DYNC1LI1: variants seen among roughly 807,000 people sequenced by gnomAD.
The protein encoded by DYNC1LI1 is dynein cytoplasmic 1 light intermediate chain 1.
DYNC1LI1 carries 19 observed loss-of-function variants against 63.8 expected under a neutral mutation model. The ratio of observed to expected loss-of-function variants is 0.30; its 90% confidence interval spans 0.21 to 0.44. The LOEUF (loss-of-function observed/expected upper bound fraction) is 0.44. DYNC1LI1 is among the 20% of genes least tolerant of loss of function. DYNC1LI1 has a pLI of 1.00. For missense variants in DYNC1LI1, 565 were observed against 630.2 expected (o/e 0.90, Z 1.11); for synonymous variants, 225 against 232.3 (o/e 0.97, Z 0.28).
At position 32,566,756 on chromosome 3, in the gene DYNC1LI1, CAAACAAAA is replaced by C. The variant is rs1454926148; in HGVS notation, c.220+3582_220+3589del. 8 of 427,254 alleles carry C rather than the reference CAAACAAAA, an allele frequency of 1.9e-5. No homozygotes were observed. The East Asian group carries it at 5.3e-4, about 28-fold the overall frequency. The allele number at this position is 427,254 out of a possible 1,614,324, so 26.5% of individuals were successfully genotyped here. On this transcript the variant is annotated intron_variant, in intron 2 of 12. Transcript: ENST00000273130. ...TCCATCTCAAAAACAAACAAACAAA[CAAACAAAA>C]AAACAAATATAATCAATTGTATTAA...
At chr3:32,541,318 AG>A in intron 4 of DYNC1LI1, 112 bp from the exon 5 acceptor site, 1 of 687,358 alleles carries the variant, frequency 1.5e-6, no homozygotes, top group Non-Finnish European at 2.4e-6. Context: ...CTTGTGTAAG[AG>A]AAGAAACAAA....
intron 4 of DYNC1LI1, among the ~76,000 whole-genome samples, chr3:32,544,272 G>A (rs1266528989): frequency 3.3e-5 from 5 of 151,982 alleles, no homozygotes; most frequent in Non-Finnish European, 7.4e-5. Flanking sequence ...GTAAGATTAC[G>A]AATTAAAAAA....
In DYNC1LI1 at chr3:32,545,870, C is replaced by A. The variant is rs1365988222; in HGVS notation, c.316G>T (p.Val106Leu). The A allele has an allele frequency of 6.2e-7, 1 of 1,609,308 alleles. No homozygotes were observed. The highest frequency in any genetic ancestry group is 8.5e-7 in the Non-Finnish European group (1 of 1,176,032). Residue 106 changes from valine (V) to leucine (L), a missense_variant, in exon 3 of 13, where the codon GTG becomes TTG. By Grantham distance (32) the Val-to-Leu change is conservative. Transcript: ENST00000273130. ...GRGLEYLYLN[V>L]HDEDRDDQTR... ...TCACCATCCCTGTCTTCATCATGCA[C>A]ATTTAAGTACAAATATTCCAATCCT... is the stretch of plus-strand genomic sequence containing the variant.
chr3:32,567,649 C>T (rs1418298260), intron 2 of DYNC1LI1, among the ~76,000 whole-genome samples: 3 of 151,680 alleles, frequency 2.0e-5, no homozygotes, highest in Admixed American at 2.0e-4. Flanking sequence ...AGTTGTCCCT[C>T]CACCTTAGCC....
At chr3:32,539,502 G>A (rs1424701479) in intron 5 of DYNC1LI1, among the ~76,000 whole-genome samples, 8 of 151,764 alleles carry the variant, frequency 5.3e-5, no homozygotes, top group Non-Finnish European at 1.0e-4. Context: ...ACACACTTAG[G>A]ACCAAGTGGG....
chr3:32,561,024 A>C (rs1283902177), intron 2 of DYNC1LI1, among the ~76,000 whole-genome samples: 6 of 140,536 alleles, frequency 4.3e-5, no homozygotes, highest in South Asian at 2.2e-4. Flanking sequence ...AAAAAAAAAA[A>C]AAAAAAAAAC....
At chr3:32,564,891 A>G (rs1698238577) in intron 2 of DYNC1LI1, among the ~76,000 whole-genome samples, 1 of 152,170 alleles carries the variant, frequency 6.6e-6, no homozygotes, top group Admixed American at 6.6e-5. Flanking sequence ...TGCCAGTTAC[A>G]AGTTACTTCT....
chr3:32,558,785 G>A (rs1290550510), intron 2 of DYNC1LI1, among the ~76,000 whole-genome samples: 3 of 151,844 alleles, frequency 2.0e-5, no homozygotes, highest in African/African-American at 7.3e-5. Flanking sequence ...GGCAGAGGCT[G>A]CGGTAAGCCA....
In DYNC1LI1 at chr3:32,530,657, C is replaced by A. The variant is rs147089964; in HGVS notation, c.1081-137G>T. 2.0e-5 allele frequency: 15 copies of A among 748,914 alleles called. No homozygotes were observed. The Admixed American group carries it at 3.8e-4, about 19-fold the overall frequency. 46.4% of individuals were successfully genotyped at this position (748,914 alleles called of 1,614,324 possible). ...CCTATACTATATTTATATTCACATG[C>A]GTGAGCTGCCCTACCCAAGGCCTTC... On this transcript the variant is annotated intron_variant, in intron 8 of 12. Coordinates refer to ENST00000273130, the MANE Select transcript of DYNC1LI1 (RefSeq NM_016141.4).
chr3:32,529,586 C>T lies in DYNC1LI1; in HGVS notation c.1260G>A (p.Val420=). The change falls in exon 11 of 13, where the codon GTG becomes GTA. Residue 420 remains valine (V), a synonymous_variant. Transcript: ENST00000273130. ...NRSVSSNVAS[V]SPIPAGSKKI... ...TTTTTGACCCAGCAGGAATGGGTGACACGCTGGCAACATTAGATGATACAG... is the reference window on the plus strand; with the variant it reads ...TTTTTGACCCAGCAGGAATGGGTGATACGCTGGCAACATTAGATGATACAG... 1 of 1,609,386 alleles carries T rather than the reference C, an allele frequency of 6.2e-7. No individual in the cohort carries two copies. Among genetic ancestry groups the T allele is most frequent in the Non-Finnish European group, 8.5e-7 (1 of 1,177,982 alleles).
At chr3:32,565,921 T>A (rs1698253250) in intron 2 of DYNC1LI1, among the ~76,000 whole-genome samples, 1 of 152,194 alleles carries the variant, frequency 6.6e-6, no homozygotes, top group Non-Finnish European at 1.5e-5. Flanking sequence ...GCTGCAAAAT[T>A]TTGAATACTG....
rs202000187 is a variant in DYNC1LI1, at chr3:32,545,995, T to A, written c.221-30A>T. 1,119 of 1,431,558 alleles carry A rather than the reference T, an allele frequency of 7.8e-4. 2 individuals carry two copies. The highest frequency in any genetic ancestry group is 1.1e-3 in the Admixed American group (60 of 53,676). 88.7% of individuals were successfully genotyped at this position (1,431,558 alleles called of 1,614,324 possible). A position where few individuals can be genotyped will look rare whatever the true frequency, so the allele number is the denominator to read the frequency against. ...ATATGTAAAAAAAGGATAAATCTTA[T>A]AAATTATAACACCGATTATTTAAGG... On this transcript the variant is annotated intron_variant, in intron 2 of 12. Coordinates refer to ENST00000273130, the MANE Select transcript of DYNC1LI1 (RefSeq NM_016141.4).
Position 32,570,814 on chromosome 3 carries a change from A to T in DYNC1LI1, c.-44T>A, listed in dbSNP as rs535824856. 1 of 1,557,424 alleles carries T rather than the reference A, an allele frequency of 6.4e-7. No homozygotes were observed. Among genetic ancestry groups the T allele is most frequent in the South Asian group, 1.2e-5 (1 of 86,360 alleles). Reference sequence around the variant, plus strand: ...CACTCCCGGCAAGACTAAATGTGCGAGGCGGCTGAGGCGGTGGCGGTGGAG... The same window carrying T: ...CACTCCCGGCAAGACTAAATGTGCGTGGCGGCTGAGGCGGTGGCGGTGGAG... On this transcript the variant is annotated 5_prime_UTR_variant, in exon 1 of 13. Transcript: ENST00000273130.
intron 2 of DYNC1LI1, among the ~76,000 whole-genome samples, chr3:32,559,799 A>G (rs1013332671): frequency 2.6e-5 from 4 of 152,102 alleles, no homozygotes; most frequent in Non-Finnish European, 4.4e-5. Context: ...GACATTTTTG[A>G]TTTGGACTTA....
chr3:32,554,852 A>C (rs1698090685), intron 2 of DYNC1LI1, among the ~76,000 whole-genome samples: 1 of 150,058 alleles, frequency 6.7e-6, no homozygotes, highest in South Asian at 2.1e-4. Flanking sequence ...TCTGGTAATT[A>C]AAATTTTTGA....
chr3:32,570,822 G>A lies in DYNC1LI1; in HGVS notation c.-52C>T, dbSNP rs1698341225. The A allele has an allele frequency of 6.4e-7, 1 of 1,565,116 alleles. No homozygotes were observed. The highest frequency in any genetic ancestry group is 8.7e-7 in the Non-Finnish European group (1 of 1,152,860). ...GCAAGACTAAATGTGCGAGGCGGCTGAGGCGGTGGCGGTGGAGGCGGCGGG... is the reference window on the plus strand; with the variant it reads ...GCAAGACTAAATGTGCGAGGCGGCTAAGGCGGTGGCGGTGGAGGCGGCGGG... On this transcript the variant is annotated 5_prime_UTR_variant, in exon 1 of 13. Coordinates refer to ENST00000273130, the MANE Select transcript of DYNC1LI1 (RefSeq NM_016141.4).
intron 5 of DYNC1LI1, among the ~76,000 whole-genome samples, chr3:32,538,862 T>C (rs1697839162): frequency 1.3e-5 from 2 of 152,130 alleles, no homozygotes; most frequent in African/African-American, 2.4e-5. Context: ...GAAACACACA[T>C]TTCTCCATAC....
Position 32,534,545 on chromosome 3 carries a change from G to A in DYNC1LI1, c.934C>T (p.Pro312Ser), listed in dbSNP as rs184025487. ...QKLYGFPYKI[P>S]AVVVEKDAVF... is the part of the protein sequence containing the mutation. ...GCATCCTTTTCCACAACAACAGCAG[G>A]AATCTTATAGGGAAATCCATATAGT... is the stretch of plus-strand genomic sequence containing the variant. Residue 312 changes from proline (P) to serine (S), a missense_variant, in exon 7 of 13, where the codon CCT (proline) becomes TCT (serine). By Grantham distance (74) the Pro-to-Ser change is moderately conservative. Coordinates refer to ENST00000273130, the MANE Select transcript of DYNC1LI1 (RefSeq NM_016141.4). 1 of 1,596,294 alleles carries A rather than the reference G, an allele frequency of 6.3e-7. No individual in the cohort carries two copies. The highest frequency in any genetic ancestry group is 1.1e-5 in the South Asian group (1 of 89,172).
chr3:32,543,395 T>C (rs2125436949), intron 4 of DYNC1LI1, among the ~76,000 whole-genome samples: 1 of 148,474 alleles, frequency 6.7e-6, no homozygotes, highest in Non-Finnish European at 1.5e-5. Context: ...ATGTATTTCC[T>C]TTCTTTTTTT....
Sources: allele counts gnomAD v4.1 joint callset (sites outside exome capture counted in the v4.1 genomes callset), GRCh38; gene constraint gnomAD v4.1.1; transcripts MANE v1.5; gene names NCBI Gene and HGNC (gene_info 2026-07-23, HGNC 2026-07-21).